HS3ST4: variants seen among roughly 807,000 people sequenced by gnomAD.
HS3ST4 encodes the protein heparan sulfate glucosamine 3-O-sulfotransferase 4.
In HS3ST4, 17 loss-of-function variants were observed where a neutral mutation model predicts 29.2. That is an observed-to-expected ratio of 0.58 (90% CI 0.40 to 0.87). HS3ST4 has a LOEUF of 0.87. Among genes scored for constraint, HS3ST4 ranks in the 40% least tolerant of loss-of-function variants. The pLI, the probability that HS3ST4 is intolerant of heterozygous loss-of-function variation, is 0.00. For missense variants in HS3ST4, 627 were observed against 634.5 expected (o/e 0.99, Z 0.13); for synonymous variants, 314 against 285.7 (o/e 1.10, Z -1.00).
intron 1 of HS3ST4, chr16:25,933,279 G>A (rs1035629983): frequency 2.2e-6 from 1 of 460,782 alleles, no homozygotes; most frequent in Non-Finnish European, 4.4e-6. Flanking sequence ...ATTGGCTGCC[G>A]AGAGGTTTCT....
intron 1 of HS3ST4, among the ~76,000 whole-genome samples, chr16:25,938,011 G>A (rs895325366): frequency 6.6e-6 from 1 of 152,128 alleles, no homozygotes; most frequent in Non-Finnish European, 1.5e-5. Context: ...GCTTTCTGGG[G>A]CAACCAGAAA....
chr16:25,917,492 T>C (rs923569914), intron 1 of HS3ST4, among the ~76,000 whole-genome samples: 5 of 152,222 alleles, frequency 3.3e-5, no homozygotes, highest in African/African-American at 1.2e-4. Flanking sequence ...ATTATAGGCC[T>C]GAGCCACTGT....
chr16:25,748,043 G>A (rs1261924849), intron 1 of HS3ST4, among the ~76,000 whole-genome samples: 2 of 152,116 alleles, frequency 1.3e-5, no homozygotes, highest in Non-Finnish European at 2.9e-5. Flanking sequence ...TGGTTGCAGG[G>A]AGGAATGGCT....
intron 1 of HS3ST4, among the ~76,000 whole-genome samples, chr16:25,855,282 T>C (rs1967564499): frequency 6.6e-6 from 1 of 152,178 alleles, no homozygotes; most frequent in Non-Finnish European, 1.5e-5. Flanking sequence ...AGCCCCCACA[T>C]AGCAGACTTC....
chr16:25,948,668 A>C (rs4075110), intron 1 of HS3ST4, among the ~76,000 whole-genome samples: 39,059 of 151,952 alleles, frequency 0.26, 5,385 homozygotes, highest in East Asian at 0.39. Flanking sequence ...GCATTCCGTA[A>C]ATGTTCTTTG....
At chr16:25,941,760 C>G (rs908714771) in intron 1 of HS3ST4, among the ~76,000 whole-genome samples, 1 of 151,758 alleles carries the variant, frequency 6.6e-6, no homozygotes, top group Non-Finnish European at 1.5e-5. Flanking sequence ...GTATTTTTAG[C>G]AGAGATGGCA....
At chr16:25,749,372 G>T (rs1966704469) in intron 1 of HS3ST4, among the ~76,000 whole-genome samples, 1 of 152,140 alleles carries the variant, frequency 6.6e-6, no homozygotes, top group Admixed American at 6.5e-5. Flanking sequence ...ACATGCACCT[G>T]TAGTTCCAGC....
chr16:25,907,852 C>G (rs1300010060), intron 1 of HS3ST4, among the ~76,000 whole-genome samples: 1 of 152,208 alleles, frequency 6.6e-6, no homozygotes, highest in Non-Finnish European at 1.5e-5. Context: ...CTTCATCAGC[C>G]AAAAGGACAT....
At chr16:25,794,119 G>T (rs1386130231) in intron 1 of HS3ST4, among the ~76,000 whole-genome samples, 1 of 151,978 alleles carries the variant, frequency 6.6e-6, no homozygotes, top group Non-Finnish European at 1.5e-5. Flanking sequence ...ATTAAGGTAT[G>T]AATTTTTGAA....
intron 1 of HS3ST4, among the ~76,000 whole-genome samples, chr16:25,899,359 T>C (rs906474776): frequency 6.6e-6 from 1 of 152,250 alleles, no homozygotes; most frequent in Non-Finnish European, 1.5e-5. Context: ...AACTTCCATC[T>C]TCTCTCTTGC....
intron 1 of HS3ST4, among the ~76,000 whole-genome samples, chr16:25,922,821 A>G (rs1292908449): frequency 6.6e-6 from 1 of 152,194 alleles, no homozygotes; most frequent in African/African-American, 2.4e-5. Context: ...GCTGTGCCTT[A>G]AGCTTTTCAG....
intron 1 of HS3ST4, among the ~76,000 whole-genome samples, chr16:26,041,809 C>T (rs538765001): frequency 6.6e-6 from 1 of 152,210 alleles, no homozygotes; most frequent in Non-Finnish European, 1.5e-5. Flanking sequence ...AATACTTTAA[C>T]AAGCCTGCAA....
chr16:25,779,067 C>T (rs1328916795), intron 1 of HS3ST4, among the ~76,000 whole-genome samples: 1 of 152,154 alleles, frequency 6.6e-6, no homozygotes, highest in Non-Finnish European at 1.5e-5. Flanking sequence ...TCTCTTACAG[C>T]TGTGATTGAC....
At chr16:25,952,401 A>G (rs1968691021) in intron 1 of HS3ST4, among the ~76,000 whole-genome samples, 1 of 152,282 alleles carries the variant, frequency 6.6e-6, no homozygotes, top group Non-Finnish European at 1.5e-5. Context: ...CTTTTAGATC[A>G]TGGCCCTGTG....
In HS3ST4 at chr16:25,858,595, T is replaced by A. The variant is rs551077475; in HGVS notation, c.734+165444T>A. Among the ~76,000 whole-genome samples, 895 of 152,288 alleles carry A rather than the reference T, an allele frequency of 5.9e-3. 3 individuals carry two copies. The highest frequency in any genetic ancestry group is 0.011 in the South Asian group (51 of 4,830). ...CTGAGTTGCAATGTATGCTTTTTTTTAATTTTAGTAGCTATTTCCAAATTG... is the reference window on the plus strand; with the variant it reads ...CTGAGTTGCAATGTATGCTTTTTTTAAATTTTAGTAGCTATTTCCAAATTG... On this transcript the variant is annotated intron_variant, in intron 1 of 1. Transcript: ENST00000331351.
chr16:25,703,294 G>T (rs1234649753), intron 1 of HS3ST4, among the ~76,000 whole-genome samples: 1 of 152,160 alleles, frequency 6.6e-6, no homozygotes, highest in Non-Finnish European at 1.5e-5. Flanking sequence ...GGAGATGGAG[G>T]TTCGAATCTG....
At chr16:25,841,168 G>C (rs1967409193) in intron 1 of HS3ST4, among the ~76,000 whole-genome samples, 1 of 151,798 alleles carries the variant, frequency 6.6e-6, no homozygotes, top group African/African-American at 2.4e-5. Context: ...ACCTCACCTG[G>C]CTAATTTTTT....
chr16:26,088,704 G>A (rs1898818631), intron 1 of HS3ST4, among the ~76,000 whole-genome samples: 1 of 152,198 alleles, frequency 6.6e-6, no homozygotes, highest in South Asian at 2.1e-4. Context: ...ACCAACATCT[G>A]TGACTTTGAG....
At chr16:25,964,267 C>T (rs7199995) in intron 1 of HS3ST4, among the ~76,000 whole-genome samples, 30,506 of 151,800 alleles carry the variant, frequency 0.2, 3,712 homozygotes, top group African/African-American at 0.34. Context: ...GAAAAACTAC[C>T]GGTTGGGTAC....
Sources: gnomAD v4.1 joint callset for allele counts (sites outside exome capture counted in the v4.1 genomes callset) on GRCh38, gnomAD v4.1.1 for gene constraint, MANE v1.5 for transcripts, NCBI Gene and HGNC (gene_info 2026-07-23, HGNC 2026-07-21) for gene names.